Variants in CCDC148 observed in about 807,000 individuals in gnomAD.
The protein encoded by CCDC148 is coiled-coil domain-containing protein 148.
CCDC148 carries 89 observed loss-of-function variants against 85.7 expected under a neutral mutation model. That is an observed-to-expected ratio of 1.04 (90% CI 0.87 to 1.24). The LOEUF (loss-of-function observed/expected upper bound fraction) is 1.24. CCDC148 is among the 50% of genes most tolerant of loss of function. The pLI is 0.00. For missense variants in CCDC148, 692 were observed against 671.7 expected (o/e 1.03, Z -0.33); for synonymous variants, 230 against 213.9 (o/e 1.08, Z -0.66).
intron 11 of CCDC148, among the ~76,000 whole-genome samples, chr2:158,210,488 C>T (rs1417009035): frequency 6.6e-6 from 1 of 152,120 alleles, no homozygotes; most frequent in African/African-American, 2.4e-5. Flanking sequence ...GAACTCTTCA[C>T]CCCAAGTCAA....
chr2:158,179,119 C>A (rs991145805), intron 11 of CCDC148, 123 bp from the exon 12 acceptor site: 28 of 522,728 alleles, frequency 5.4e-5, no homozygotes, highest in East Asian at 8.9e-5. Flanking sequence ...TTTTTTTTTA[C>A]TGATTTCTCA....
chr2:158,280,146 C>T (rs977380839), intron 9 of CCDC148, among the ~76,000 whole-genome samples: 6 of 152,136 alleles, frequency 3.9e-5, no homozygotes, highest in Admixed American at 1.3e-4. Context: ...TGGAAAGGAA[C>T]AAGTGGTACC....
At chr2:158,300,573 G>A (rs1317034666) in intron 9 of CCDC148, among the ~76,000 whole-genome samples, 2 of 152,174 alleles carry the variant, frequency 1.3e-5, no homozygotes, top group African/African-American at 4.8e-5. Flanking sequence ...GACAAAGGAA[G>A]GTAAGAGAGG....
intron 1 of CCDC148, among the ~76,000 whole-genome samples, chr2:158,359,748 A>G (rs893260488): frequency 6.6e-6 from 1 of 152,100 alleles, no homozygotes; most frequent in South Asian, 2.1e-4. Flanking sequence ...CAAGCACAAA[A>G]CATTACAGCA....
intron 9 of CCDC148, among the ~76,000 whole-genome samples, chr2:158,304,101 T>A (rs765557871): frequency 1.3e-5 from 2 of 152,072 alleles, no homozygotes; most frequent in Non-Finnish European, 2.9e-5. Flanking sequence ...CGTGGTAACT[T>A]TAAGTCACAA....
intron 3 of CCDC148, 74 bp from the exon 4 acceptor site, chr2:158,340,754 G>A: frequency 2.3e-6 from 2 of 867,424 alleles, no homozygotes; most frequent in South Asian, 3.5e-5. Context: ...TAACCAAAGA[G>A]ATATTTAGTC....
chr2:158,315,929 T>C (rs1692261433), intron 7 of CCDC148, among the ~76,000 whole-genome samples: 1 of 152,184 alleles, frequency 6.6e-6, no homozygotes, highest in South Asian at 2.1e-4. Context: ...GAGCAAACCA[T>C]GGCCAGTCTC....
At chr2:158,427,827 C>A (rs796739148) in intron 1 of CCDC148, among the ~76,000 whole-genome samples, 5 of 152,114 alleles carry the variant, frequency 3.3e-5, no homozygotes, top group Non-Finnish European at 5.9e-5. Flanking sequence ...GCCATCATCA[C>A]ACCACTGCAC....
intron 1 of CCDC148, among the ~76,000 whole-genome samples, chr2:158,375,736 G>C (rs570442199): frequency 1.3e-5 from 2 of 152,214 alleles, no homozygotes; most frequent in African/African-American, 4.8e-5. Context: ...GGGAATTTCA[G>C]GGCAAGATAT....
intron 9 of CCDC148, among the ~76,000 whole-genome samples, chr2:158,270,159 G>A (rs562359379): frequency 1.3e-5 from 2 of 152,198 alleles, no homozygotes; most frequent in African/African-American, 2.4e-5. Flanking sequence ...TTATTGAAAA[G>A]CAATAAAATA....
At chr2:158,274,323 C>T (rs1689828505) in intron 9 of CCDC148, among the ~76,000 whole-genome samples, 1 of 151,916 alleles carries the variant, frequency 6.6e-6, no homozygotes, top group Admixed American at 6.6e-5. Context: ...GACTATGTCC[C>T]TGAATTTTTC....
chr2:158,305,349 GA>G (rs1691634358), intron 9 of CCDC148, among the ~76,000 whole-genome samples: 1 of 152,176 alleles, frequency 6.6e-6, no homozygotes, highest in Non-Finnish European at 1.5e-5. Flanking sequence ...AAGACCCAGG[GA>G]CACAGGCCCT....
At chr2:158,395,716 G>A (rs1685492447) in intron 1 of CCDC148, among the ~76,000 whole-genome samples, 1 of 152,058 alleles carries the variant, frequency 6.6e-6, no homozygotes, top group South Asian at 2.1e-4. Context: ...AAGACAAAGG[G>A]CTCTGGAATC....
chr2:158,379,678 T>C (rs1266599060), intron 1 of CCDC148, among the ~76,000 whole-genome samples: 2 of 152,140 alleles, frequency 1.3e-5, no homozygotes, highest in Non-Finnish European at 2.9e-5. Flanking sequence ...GCCATCAACA[T>C]TGAGGCAAGA....
intron 7 of CCDC148, among the ~76,000 whole-genome samples, chr2:158,325,686 G>A (rs1315596500): frequency 6.6e-6 from 1 of 152,014 alleles, no homozygotes; most frequent in Non-Finnish European, 1.5e-5. Flanking sequence ...CTCAACCCCG[G>A]ATTTTCTCCA....
chr2:158,257,923 C>T (rs1689074558), intron 9 of CCDC148, among the ~76,000 whole-genome samples: 1 of 151,800 alleles, frequency 6.6e-6, no homozygotes, highest in African/African-American at 2.4e-5. Context: ...ACCTATCAGT[C>T]AATTTTATTT....
chr2:158,279,046 T>C (rs1287944990), intron 9 of CCDC148, among the ~76,000 whole-genome samples: 5 of 152,134 alleles, frequency 3.3e-5, no homozygotes, highest in Non-Finnish European at 7.4e-5. Flanking sequence ...TAGCAAACTC[T>C]AACAGACCTG....
intron 8 of CCDC148, among the ~76,000 whole-genome samples, chr2:158,311,719 A>G (rs1256889105): frequency 6.6e-6 from 1 of 152,232 alleles, no homozygotes; most frequent in Non-Finnish European, 1.5e-5. Flanking sequence ...AATTGCTACC[A>G]CAATCCTGAA....
chr2:158,223,366 G>T (rs1687302068), intron 10 of CCDC148, among the ~76,000 whole-genome samples: 1 of 152,218 alleles, frequency 6.6e-6, no homozygotes, highest in Non-Finnish European at 1.5e-5. Flanking sequence ...AGGCCTGTCT[G>T]CCTGCCTCTG....
Sources: gnomAD v4.1 joint callset for allele counts (sites outside exome capture counted in the v4.1 genomes callset) on GRCh38, gnomAD v4.1.1 for gene constraint, MANE v1.5 for transcripts, NCBI Gene and HGNC (gene_info 2026-07-23, HGNC 2026-07-21) for gene names.